SEMA4D: variants seen among roughly 807,000 people sequenced by gnomAD.
SEMA4D encodes semaphorin 4D.
Under a neutral mutation model 74.8 loss-of-function variants are expected in SEMA4D, and 22 were observed. The ratio of observed to expected loss-of-function variants is 0.29; its 90% CI spans 0.21 to 0.42. The LOEUF (loss-of-function observed/expected upper bound fraction) is 0.42, where lower values mean the gene tolerates loss of function less well. SEMA4D is among the 10% of genes least tolerant of loss of function. SEMA4D has a pLI of 1.00. For missense variants in SEMA4D, 937 were observed against 1,118.4 expected (o/e 0.84, Z 2.31); for synonymous variants, 445 against 463.7 (o/e 0.96, Z 0.52).
At chr9:89,444,490 G>C (rs543751843) in intron 2 of SEMA4D, among the ~76,000 whole-genome samples, 79 of 152,302 alleles carry the variant, frequency 5.2e-4, no homozygotes, top group African/African-American at 1.8e-3. Context: ...TGGGATGGAG[G>C]ATCCCCAGAC....
chr9:89,440,569 G>A (rs1458940470), intron 2 of SEMA4D, among the ~76,000 whole-genome samples: 1 of 152,120 alleles, frequency 6.6e-6, no homozygotes, highest in Non-Finnish European at 1.5e-5. Flanking sequence ...GGGCCCTTCT[G>A]GGTAAAGCGT....
intron 16 of SEMA4D, among the ~76,000 whole-genome samples, chr9:89,365,864 A>C (rs1420395089): frequency 6.6e-6 from 1 of 152,220 alleles, no homozygotes; most frequent in Non-Finnish European, 1.5e-5. Flanking sequence ...CAGTTTAATG[A>C]AGCTGACTTT....
chr9:89,479,549 G>A (rs1361492194), intron 1 of SEMA4D: 7 of 182,002 alleles, frequency 3.8e-5, no homozygotes, highest in Middle Eastern at 4.7e-3. Context: ...GTGGACCCTC[G>A]CGGTGAGTGT....
At chr9:89,364,064 G>C in intron 16 of SEMA4D, 1 of 1,593,830 alleles carries the variant, frequency 6.3e-7, no homozygotes, top group Non-Finnish European at 8.5e-7. Flanking sequence ...GAAGTGACTT[G>C]GGACAACTTC....
chr9:89,402,682 CAAA>C (rs71358575), intron 4 of SEMA4D, among the ~76,000 whole-genome samples, 186 bp downstream of exon 4: 2 of 142,660 alleles, frequency 1.4e-5, no homozygotes, highest in African/African-American at 2.6e-5. Context: ...ATAAAAAGTT[CAAA>C]AAAAAAAAAA....
chr9:89,384,977 G>A, intron 13 of SEMA4D: 2 of 985,412 alleles, frequency 2.0e-6, no homozygotes, highest in African/African-American at 1.7e-5. Flanking sequence ...ACGTCCCCAC[G>A]AATGGAGGCT....
intron 1 of SEMA4D, among the ~76,000 whole-genome samples, chr9:89,479,028 C>T (rs921557279): frequency 6.6e-6 from 1 of 152,216 alleles, no homozygotes; most frequent in Non-Finnish European, 1.5e-5. Flanking sequence ...GGCCTGTCCC[C>T]TCACTTATCA....
intron 2 of SEMA4D, among the ~76,000 whole-genome samples, chr9:89,455,524 G>T (rs1159137139): frequency 6.6e-6 from 1 of 152,148 alleles, no homozygotes; most frequent in Admixed American, 6.5e-5. Flanking sequence ...CCAGGCAGGG[G>T]CACCTCCTCA....
At chr9:89,385,633 C>T in intron 13 of SEMA4D, 1 of 916,386 alleles carries the variant, frequency 1.1e-6, no homozygotes. Flanking sequence ...CCCAGGCTCC[C>T]AAGCTTTGTG....
At chr9:89,427,464 G>T (rs192119027) in intron 2 of SEMA4D, among the ~76,000 whole-genome samples, 1 of 152,306 alleles carries the variant, frequency 6.6e-6, no homozygotes, top group East Asian at 1.9e-4. Context: ...CGTCCTCTCA[G>T]TGTGAAAGGA....
At chr9:89,414,857 C>T (rs1018114316) in intron 2 of SEMA4D, among the ~76,000 whole-genome samples, 26 of 149,320 alleles carry the variant, frequency 1.7e-4, no homozygotes, top group Middle Eastern at 3.3e-3. Flanking sequence ...CAGGGGCAAG[C>T]GAGCCACAGC....
intron 2 of SEMA4D, among the ~76,000 whole-genome samples, chr9:89,433,828 C>T (rs541077171): frequency 6.6e-6 from 1 of 152,178 alleles, no homozygotes; most frequent in Non-Finnish European, 1.5e-5. Context: ...TCTCTCAAAG[C>T]CTCTGGATGC....
intron 1 of SEMA4D, among the ~76,000 whole-genome samples, chr9:89,468,153 C>T (rs1362251596): frequency 6.6e-6 from 1 of 152,184 alleles, no homozygotes. Flanking sequence ...TGCACAGAAC[C>T]CCACTCCACT....
In SEMA4D at chr9:89,385,834, A is replaced by C. The variant is rs187192418; in HGVS notation, c.1446+533T>G. On this transcript the variant is annotated intron_variant, in intron 13 of 15. Transcript: ENST00000422704. ...GGAGGTCCCGTTAGGAGCCAGGGCCAGGGAGGCAGCCCCCTAAAGGCCAGC... is the reference window on the plus strand; with the variant it reads ...GGAGGTCCCGTTAGGAGCCAGGGCCCGGGAGGCAGCCCCCTAAAGGCCAGC... 8.3e-4 allele frequency: 741 copies of C among 896,728 alleles called. 2 individuals carry two copies. In the African/African-American group the frequency reaches 0.013, roughly 15 times the overall value. 55.5% of individuals were successfully genotyped at this position (896,728 alleles called of 1,614,324 possible). A position where few individuals can be genotyped will look rare whatever the true frequency, so the allele number is the denominator to read the frequency against.
chr9:89,437,142 G>A (rs4073715), intron 2 of SEMA4D, among the ~76,000 whole-genome samples: 28 of 152,074 alleles, frequency 1.8e-4, no homozygotes, highest in Non-Finnish European at 3.7e-4. Flanking sequence ...CAGGAAGCAC[G>A]TGGCCTCTTT....
chr9:89,446,483 G>A (rs1194883625), intron 2 of SEMA4D, among the ~76,000 whole-genome samples: 1 of 152,152 alleles, frequency 6.6e-6, no homozygotes. Context: ...CTGCTCCAAG[G>A]CCATGACCCC....
chr9:89,438,936 A>ATT (rs761109363), intron 2 of SEMA4D, among the ~76,000 whole-genome samples: 1 of 106,748 alleles, frequency 9.4e-6, no homozygotes, highest in Admixed American at 1.2e-4. Flanking sequence ...AAGTGCTGGT[A>ATT]TTATAGGTGT....
At chr9:89,409,385 A>C (rs1484530516) in intron 2 of SEMA4D, among the ~76,000 whole-genome samples, 1 of 152,140 alleles carries the variant, frequency 6.6e-6, no homozygotes, top group Non-Finnish European at 1.5e-5. Flanking sequence ...CCAACTGGCA[A>C]TCCTAATGTC....
chr9:89,418,509 G>C, intron 2 of SEMA4D: 1 of 774,650 alleles, frequency 1.3e-6, no homozygotes, highest in Non-Finnish European at 1.6e-6. Context: ...TCATCTTCAT[G>C]AGGCAAAGAA....
Sources: gnomAD v4.1 joint callset for allele counts (sites outside exome capture counted in the v4.1 genomes callset) on GRCh38, gnomAD v4.1.1 for gene constraint, MANE v1.5 for transcripts, NCBI Gene and HGNC (gene_info 2026-07-23, HGNC 2026-07-21) for gene names.